Variants in SDK1 observed in about 807,000 individuals in gnomAD.
SDK1 encodes protein sidekick-1.
Under a neutral mutation model 245.5 loss-of-function variants are expected in SDK1, and 157 were observed. The observed-to-expected ratio is 0.64, with a 90% CI of 0.56 to 0.73. The LOEUF is 0.73. SDK1 is among the 30% of genes least tolerant of loss of function. SDK1 has a pLI of 0.00. For synonymous variants in SDK1, 1,647 were observed against 1,278.5 expected, an observed-to-expected ratio of 1.29 and a Z score of -6.15; for missense variants, 3,583 against 3,002.3, an observed-to-expected ratio of 1.19 and a Z score of -4.52.
intron 1 of SDK1, among the ~76,000 whole-genome samples, chr7:3,352,563 A>G (rs6974257): frequency 0.58 from 88,656 of 151,894 alleles, 26,732 homozygotes; most frequent in African/African-American, 0.75. Flanking sequence ...TTCTTTGGCC[A>G]GACACCTAAG....
At chr7:3,321,462 G>T (rs930514704) in intron 1 of SDK1, among the ~76,000 whole-genome samples, 1 of 152,096 alleles carries the variant, frequency 6.6e-6, no homozygotes, top group Non-Finnish European at 1.5e-5. Flanking sequence ...GTCAGAACCT[G>T]GCTTCCTATT....
Position 4,145,761 on chromosome 7 carries a change from A to T in SDK1, c.4268A>T (p.His1423Leu). ...TACCGCCTGGCCAGCAGCAGCCCCC[A>T]CACCTTCACCACCGTGGAGGTCGGC... Reference protein sequence around the residue: ...IAYRLASSSPHTFTTVEVGAT... With the variant: ...IAYRLASSSPLTFTTVEVGAT... Residue 1423 changes from histidine to leucine, a missense_variant, in exon 29 of 45, where the codon CAC becomes CTC. Physicochemically the swap from His to Leu is moderately conservative, Grantham distance 99. Coordinates refer to ENST00000404826, the MANE Select transcript of SDK1 (RefSeq NM_152744.4). 1 of 1,612,484 alleles carries T rather than the reference A, an allele frequency of 6.2e-7. No homozygotes were observed. Among genetic ancestry groups the T allele is most frequent in the Non-Finnish European group, 8.5e-7 (1 of 1,179,370 alleles).
At chr7:3,564,457 C>A (rs1779844720) in intron 1 of SDK1, among the ~76,000 whole-genome samples, 1 of 151,840 alleles carries the variant, frequency 6.6e-6, no homozygotes. Flanking sequence ...CAACTACTTT[C>A]CATCTTGGGT....
chr7:3,600,816 G>T (rs1480247817), intron 1 of SDK1, among the ~76,000 whole-genome samples: 1 of 151,966 alleles, frequency 6.6e-6, no homozygotes, highest in Non-Finnish European at 1.5e-5. Context: ...CCAAAGTGCT[G>T]GAATTACAGG....
At chr7:3,393,575 C>T (rs1183742610) in intron 1 of SDK1, among the ~76,000 whole-genome samples, 1 of 152,104 alleles carries the variant, frequency 6.6e-6, no homozygotes, top group Non-Finnish European at 1.5e-5. Context: ...GGATTATTCG[C>T]AGATCAGAAT....
chr7:3,922,506 T>C (rs1779627822), intron 5 of SDK1, among the ~76,000 whole-genome samples: 1 of 152,212 alleles, frequency 6.6e-6, no homozygotes, highest in South Asian at 2.1e-4. Flanking sequence ...CCTTGAGAAA[T>C]GAGTATGGCC....
intron 12 of SDK1, among the ~76,000 whole-genome samples, chr7:3,971,920 G>A (rs987117056): frequency 1.3e-5 from 2 of 152,092 alleles, no homozygotes; most frequent in Non-Finnish European, 2.9e-5. Flanking sequence ...TTGTTTACAC[G>A]GGGGCTGTGC....
intron 4 of SDK1, among the ~76,000 whole-genome samples, chr7:3,669,325 G>T (rs975142206): frequency 6.6e-6 from 1 of 152,096 alleles, no homozygotes; most frequent in Non-Finnish European, 1.5e-5. Context: ...TACAGACCTT[G>T]TTGCAGAATT....
chr7:4,138,899 C>T (rs985927531), intron 28 of SDK1, among the ~76,000 whole-genome samples: 1 of 152,224 alleles, frequency 6.6e-6, no homozygotes, highest in African/African-American at 2.4e-5. Context: ...ACCATCACCC[C>T]AGCTTCCAGG....
chr7:3,797,459 ACAC>A (rs1027716289), intron 4 of SDK1, among the ~76,000 whole-genome samples: 2 of 2,578 alleles, frequency 7.8e-4, no homozygotes, highest in African/African-American at 6.1e-3. Flanking sequence ...GGGTGTGTAT[ACAC>A]ACACACACAC....
intron 44 of SDK1, among the ~76,000 whole-genome samples, chr7:4,252,832 CCT>C (rs992777989): frequency 1.8e-4 from 26 of 145,792 alleles, no homozygotes; most frequent in African/African-American, 4.1e-4. Flanking sequence ...TTTCCCCCCC[CCT>C]CTTTTTTTTT....
At chr7:3,351,646 C>T (rs965645078) in intron 1 of SDK1, among the ~76,000 whole-genome samples, 8 of 152,214 alleles carry the variant, frequency 5.3e-5, no homozygotes, top group Non-Finnish European at 7.4e-5. Context: ...ATGTTGATAT[C>T]AGACAACATA....
intron 1 of SDK1, among the ~76,000 whole-genome samples, chr7:3,571,540 A>T (rs1780116673): frequency 6.6e-6 from 1 of 151,976 alleles, no homozygotes; most frequent in Non-Finnish European, 1.5e-5. Flanking sequence ...CCTGAGCTCA[A>T]GTGATCTTCC....
At position 3,927,433 on chromosome 7, in the gene SDK1, T is replaced by C. The variant is rs561742695; in HGVS notation, c.848-23490T>C. On this transcript the variant is annotated intron_variant, in intron 5 of 44. Coordinates refer to ENST00000404826, the MANE Select transcript of SDK1 (RefSeq NM_152744.4). ...ACATATTTTGTTCTCACAACAACTC[T>C]GGAAAATAAGCATAACCCCTTTTCT... Among the ~76,000 whole-genome samples, 15 of 152,296 alleles carry C rather than the reference T, an allele frequency of 9.8e-5. No individual in the cohort carries two copies. The South Asian group carries it at 3.1e-3, about 32-fold the overall frequency.
intron 1 of SDK1, among the ~76,000 whole-genome samples, chr7:3,508,062 T>G (rs548851599): frequency 6.6e-6 from 1 of 152,206 alleles, no homozygotes; most frequent in Non-Finnish European, 1.5e-5. Flanking sequence ...TCTGTCTGGC[T>G]TCTGTTTCTC....
intron 5 of SDK1, among the ~76,000 whole-genome samples, chr7:3,899,690 C>T (rs1284695921): frequency 6.6e-6 from 1 of 152,348 alleles, no homozygotes; most frequent in South Asian, 2.1e-4. Flanking sequence ...CACGCAGCCC[C>T]GTGGAAGCAC....
chr7:3,724,125 A>T (rs952613801), intron 4 of SDK1, among the ~76,000 whole-genome samples: 2 of 151,898 alleles, frequency 1.3e-5, no homozygotes, highest in Non-Finnish European at 2.9e-5. Flanking sequence ...CACCATGCTC[A>T]GCTAATTTGT....
chr7:3,839,803 C>G (rs933632973), intron 5 of SDK1, among the ~76,000 whole-genome samples: 3 of 152,100 alleles, frequency 2.0e-5, no homozygotes, highest in African/African-American at 7.2e-5. Context: ...GATGGATAAT[C>G]AAACCAGTTT....
chr7:3,377,541 C>G (rs1028253552), intron 1 of SDK1, among the ~76,000 whole-genome samples: 1 of 152,002 alleles, frequency 6.6e-6, no homozygotes, highest in South Asian at 2.1e-4. Flanking sequence ...AGCAGTGTAC[C>G]CTGTCAGGCA....
Sources: gnomAD v4.1 joint callset for allele counts (sites outside exome capture counted in the v4.1 genomes callset) on GRCh38, gnomAD v4.1.1 for gene constraint, MANE v1.5 for transcripts, NCBI Gene and HGNC (gene_info 2026-07-23, HGNC 2026-07-21) for gene names.